SPATA6: variants seen among roughly 807,000 people sequenced by gnomAD.
SPATA6 encodes spermatogenesis associated 6, also known as spermatogenesis-associated protein 6.
SPATA6 carries 56 observed loss-of-function variants against 65.3 expected under a neutral mutation model. That is an observed-to-expected ratio of 0.86 (90% confidence interval 0.69 to 1.07). SPATA6 has a LOEUF of 1.07. Among genes scored for constraint, SPATA6 ranks in the 50% least tolerant of loss-of-function variants. The pLI is 0.00. For missense variants in SPATA6, 590 were observed against 594.8 expected, an observed-to-expected ratio of 0.99 and a Z score of 0.08; for synonymous variants, 199 against 213.2, an observed-to-expected ratio of 0.93 and a Z score of 0.58.
chr1:48,399,707 GA>G, intron 6 of SPATA6, 63 bp from the exon 7 acceptor site: 2 of 1,419,028 alleles, frequency 1.4e-6, no homozygotes, highest in Non-Finnish European at 1.9e-6. Flanking sequence ...TGTTGGTGGG[GA>G]AAAAATTAAA....
intron 11 of SPATA6, among the ~76,000 whole-genome samples, chr1:48,337,786 T>C (rs1434930974): frequency 5.9e-5 from 9 of 152,004 alleles, no homozygotes. Flanking sequence ...AAAGACATGC[T>C]AGACCTATGA....
chr1:48,435,404 C>T (rs1022265109), intron 3 of SPATA6, among the ~76,000 whole-genome samples: 2 of 150,268 alleles, frequency 1.3e-5, no homozygotes, highest in Non-Finnish European at 3.0e-5. Context: ...TAAAGGACTG[C>T]GAATGCACCA....
chr1:48,305,677 A>G (rs1193847974), intron 12 of SPATA6, 110 bp downstream of exon 12: 5 of 772,270 alleles, frequency 6.5e-6, no homozygotes, highest in African/African-American at 1.8e-5. Context: ...ACAGTTAGAA[A>G]TAAATACTAA....
chr1:48,363,132 T>TAA (rs1646869025), intron 9 of SPATA6, among the ~76,000 whole-genome samples: 1 of 152,090 alleles, frequency 6.6e-6, no homozygotes, highest in Admixed American at 6.6e-5. Flanking sequence ...TCCATGGAAT[T>TAA]AGAGTATATG....
chr1:48,428,775 ATGTGTGTGTG>A (rs59651745), intron 3 of SPATA6, among the ~76,000 whole-genome samples: 310 of 133,574 alleles, frequency 2.3e-3, no homozygotes, highest in African/African-American at 7.7e-3. Flanking sequence ...AGGTGTATAT[ATGTGTGTGTG>A]TGTGTGTGTG....
intron 3 of SPATA6, among the ~76,000 whole-genome samples, chr1:48,423,032 A>G (rs1333093534): frequency 6.6e-6 from 1 of 152,240 alleles, no homozygotes; most frequent in Non-Finnish European, 1.5e-5. Context: ...ACTGGGACAT[A>G]ACAACATAGA....
the SPATA6 span, among the ~76,000 whole-genome samples, chr1:48,265,812 G>A: frequency 3.9e-5 from 6 of 152,120 alleles, no homozygotes; most frequent in Non-Finnish European, 7.4e-5. Flanking sequence ...CACTGACCTT[G>A]AACATAAATA....
intron 3 of SPATA6, among the ~76,000 whole-genome samples, chr1:48,443,637 C>T (rs1202203992): frequency 2.0e-5 from 3 of 152,162 alleles, no homozygotes; most frequent in Non-Finnish European, 4.4e-5. Context: ...GGGAAGAGTG[C>T]TGCTTTTACA....
intron 11 of SPATA6, among the ~76,000 whole-genome samples, chr1:48,311,005 A>T (rs1413163371): frequency 6.6e-6 from 1 of 152,188 alleles, no homozygotes; most frequent in Non-Finnish European, 1.5e-5. Context: ...AGCACAAGGG[A>T]CACTAGAAAA....
the SPATA6 span, among the ~76,000 whole-genome samples, chr1:48,277,025 A>G: frequency 6.7e-6 from 1 of 149,782 alleles, no homozygotes; most frequent in African/African-American, 2.5e-5. Flanking sequence ...TTGGGTGCAT[A>G]TATATTTAAG....
intron 10 of SPATA6, among the ~76,000 whole-genome samples, chr1:48,357,729 T>C (rs1646698279): frequency 6.6e-6 from 1 of 152,074 alleles, no homozygotes; most frequent in African/African-American, 2.4e-5. Flanking sequence ...AGGTACTGAG[T>C]GTTGAAAAGA....
intron 8 of SPATA6, 55 bp downstream of exon 8, chr1:48,395,212 G>A: frequency 7.4e-7 from 1 of 1,354,058 alleles, no homozygotes; most frequent in South Asian, 1.6e-5. Context: ...CAAATTAAAG[G>A]CTTGATTGTA....
chr1:48,276,721 T>A, the SPATA6 span, among the ~76,000 whole-genome samples: 8 of 152,244 alleles, frequency 5.3e-5, no homozygotes, highest in Non-Finnish European at 1.2e-4. Flanking sequence ...TCCATTATTT[T>A]GCATTAACTG....
intron 11 of SPATA6, among the ~76,000 whole-genome samples, chr1:48,341,705 T>C (rs570161376): frequency 6.6e-6 from 1 of 152,316 alleles, no homozygotes; most frequent in East Asian, 1.9e-4. Flanking sequence ...ACTAATCTTC[T>C]ATTCCTGGGA....
At chr1:48,269,458 G>C in the SPATA6 span, among the ~76,000 whole-genome samples, 1 of 152,096 alleles carries the variant, frequency 6.6e-6, no homozygotes, top group Non-Finnish European at 1.5e-5. Context: ...AGAACCAACA[G>C]TACTGCCATT....
intron 3 of SPATA6, chr1:48,436,954 T>C: frequency 6.2e-7 from 1 of 1,612,986 alleles, no homozygotes. Context: ...TAGTGACCGA[T>C]TACACACACC....
chr1:48,463,568 T>G (rs1488554931), intron 1 of SPATA6, among the ~76,000 whole-genome samples: 1 of 152,216 alleles, frequency 6.6e-6, no homozygotes, highest in South Asian at 2.1e-4. Context: ...AAGGCAGATA[T>G]TACAATGAGA....
chr1:48,338,682 T>C (rs770868390), intron 11 of SPATA6, among the ~76,000 whole-genome samples: 2 of 151,960 alleles, frequency 1.3e-5, no homozygotes, highest in Non-Finnish European at 2.9e-5. Flanking sequence ...GAGGTAAAAT[T>C]GAAAACAGGA....
At chr1:48,408,768 C>G (rs1259408466) in intron 5 of SPATA6, among the ~76,000 whole-genome samples, 1 of 152,174 alleles carries the variant, frequency 6.6e-6, no homozygotes, top group Non-Finnish European at 1.5e-5. Flanking sequence ...AAAGAGAGAG[C>G]TTGTGCAAAG....
Sources: allele counts gnomAD v4.1 joint callset (sites outside exome capture counted in the v4.1 genomes callset), GRCh38; gene constraint gnomAD v4.1.1; transcripts MANE v1.5; gene names NCBI Gene and HGNC (gene_info 2026-07-23, HGNC 2026-07-21).